CRAMP1: variants seen among roughly 807,000 people sequenced by gnomAD.
The protein encoded by CRAMP1 is cramped chromatin regulator 1.
A neutral mutation model predicts 115.4 loss-of-function variants in CRAMP1; 50 were observed. The ratio of observed to expected loss-of-function variants is 0.43; its 90% confidence interval spans 0.35 to 0.55. CRAMP1 has a LOEUF of 0.55. Ranked by LOEUF, CRAMP1 falls within the 20% of genes least tolerant of loss-of-function variation. The pLI, the probability that CRAMP1 is intolerant of heterozygous loss-of-function variation, is 0.01. For missense variants in CRAMP1, 1,679 were observed against 1,721.7 expected (o/e 0.98, Z 0.44); for synonymous variants, 866 against 745.4 (o/e 1.16, Z -2.64).
intron 3 of CRAMP1, among the ~76,000 whole-genome samples, chr16:1,628,022 G>A (rs1324822815): frequency 6.6e-6 from 1 of 152,182 alleles, no homozygotes; most frequent in Admixed American, 6.5e-5. Flanking sequence ...GGAGTTCCTT[G>A]TTAATGATCC....
At chr16:1,653,410 G>T (rs2036740925) in intron 8 of CRAMP1, among the ~76,000 whole-genome samples, 1 of 152,212 alleles carries the variant, frequency 6.6e-6, no homozygotes, top group South Asian at 2.1e-4. Flanking sequence ...AGGAGCTGCA[G>T]AGCCTTCCTT....
chr16:1,667,631 A>AGCTCTGGAAGAACTTAGC (rs3830783), intron 17 of CRAMP1, among the ~76,000 whole-genome samples: 1 of 152,144 alleles, frequency 6.6e-6, no homozygotes. Context: ...TTTCAGACCC[A>AGCTCTGGAAGAACTTAGC]GCTCTGGAAG....
At chr16:1,613,293 G>A (rs1296874964) in intron 1 of CRAMP1, among the ~76,000 whole-genome samples, 1 of 152,058 alleles carries the variant, frequency 6.6e-6, no homozygotes, top group African/African-American at 2.4e-5. Flanking sequence ...ATTCCGACAG[G>A]AGAAAACGGC....
In CRAMP1 at chr16:1,659,924, G is replaced by T. The variant is rs772777296; in HGVS notation, c.2274G>T (p.Arg758Ser). The T allele has an allele frequency of 1.9e-6, 3 of 1,612,930 alleles. No individual in the cohort carries two copies. The highest frequency in any genetic ancestry group is 1.1e-5 in the South Asian group (1 of 91,082). ...ACACCATCTCTACAGCCTCAGTAAGGCCCGCCCAGGAGGAGCAGTCGATGA... is the reference window on the plus strand; with the variant it reads ...ACACCATCTCTACAGCCTCAGTAAGTCCCGCCCAGGAGGAGCAGTCGATGA... ...EANTISTASV[R>S]PAQEEQSMTP... is the part of the protein sequence containing the mutation. The change falls in exon 11 of 21, where the codon AGG (arginine) becomes AGT (serine). Residue 758 changes from arginine (R) to serine (S), a missense_variant. By Grantham distance (110) the Arg-to-Ser change is moderately radical (BLOSUM62 -1). This residue lies in a region of CRAMP1 where 709 missense variants were observed against 741.9 expected (regional missense o/e 0.96). Transcript: ENST00000397412.
chr16:1,651,868 C>T (rs562722982), intron 6 of CRAMP1, among the ~76,000 whole-genome samples: 96 of 151,172 alleles, frequency 6.4e-4, no homozygotes, highest in Non-Finnish European at 1.3e-3. Context: ...ACTGAGGTCA[C>T]ACAGGTCATC....
chr16:1,671,964 T>A lies in CRAMP1; in HGVS notation c.3645+1155T>A, dbSNP rs1596500478. 6.6e-6 allele frequency among the ~76,000 whole-genome samples: 1 copy of A among 152,198 alleles called. No individual in the cohort carries two copies. Among genetic ancestry groups the A allele is most frequent in the East Asian group, 1.9e-4 (1 of 5,192 alleles). On this transcript the variant is annotated intron_variant, in intron 20 of 20. Transcript: ENST00000397412. This position sits in a 1 kb window ranked among gnomAD's most constrained non-coding sequence, Gnocchi z 5.0. Reference sequence around the variant, plus strand: ...TTCTCAAACCTGTTTGGCCCCAGAATCATTATTCAGGGCACACCTTGGACT... The same window carrying A: ...TTCTCAAACCTGTTTGGCCCCAGAAACATTATTCAGGGCACACCTTGGACT...
At chr16:1,641,381 C>A (rs1433311451) in intron 6 of CRAMP1, among the ~76,000 whole-genome samples, 194 bp downstream of exon 6, 1 of 152,172 alleles carries the variant, frequency 6.6e-6, no homozygotes, top group Non-Finnish European at 1.5e-5. Flanking sequence ...TGTGCCTGCC[C>A]CGGGGAGGGA....
chr16:1,673,821 C>A, intron 20 of CRAMP1, 60 bp from the exon 21 acceptor site: 1 of 1,546,686 alleles, frequency 6.5e-7, no homozygotes, highest in Non-Finnish European at 8.9e-7. Flanking sequence ...CAGGACCCGC[C>A]CTCCACTGAA....
At chr16:1,638,316 C>T (rs184594825) in intron 5 of CRAMP1, among the ~76,000 whole-genome samples, 34 of 152,332 alleles carry the variant, frequency 2.2e-4, no homozygotes, top group Non-Finnish European at 3.5e-4. Context: ...TAATTTCCTG[C>T]CCATATTCAG....
chr16:1,663,503 A>G (rs2036849885), intron 13 of CRAMP1, among the ~76,000 whole-genome samples: 1 of 152,234 alleles, frequency 6.6e-6, no homozygotes, highest in African/African-American at 2.4e-5. Flanking sequence ...TTCTTTGTTC[A>G]AACTAAGATC....
intron 11 of CRAMP1, among the ~76,000 whole-genome samples, chr16:1,661,382 G>T (rs566535382): frequency 2.0e-5 from 2 of 99,890 alleles, no homozygotes; most frequent in Non-Finnish European, 4.1e-5. Context: ...CCTGGGTGAC[G>T]GAGGGGGCCG....
At chr16:1,644,771 CCTCGTTCTGGGTAAAACTGTGCCT>C (rs1478619180) in intron 6 of CRAMP1, among the ~76,000 whole-genome samples, 1 of 152,108 alleles carries the variant, frequency 6.6e-6, no homozygotes, top group Admixed American at 6.5e-5. Flanking sequence ...CAGGAGAGCC[CCTCGTTCTGGGTAAAACTGTGCCT>C]CTCGTTCCCT....
At chr16:1,626,508 G>T (rs915953080) in intron 3 of CRAMP1, among the ~76,000 whole-genome samples, 1 of 151,892 alleles carries the variant, frequency 6.6e-6, no homozygotes, top group African/African-American at 2.4e-5. Context: ...TGCTGAGTGG[G>T]CTGATTTAGG....
intron 6 of CRAMP1, among the ~76,000 whole-genome samples, chr16:1,647,393 ACT>A (rs1388052360): frequency 6.6e-6 from 1 of 152,098 alleles, no homozygotes; most frequent in Non-Finnish European, 1.5e-5. Flanking sequence ...TAGAGGGATT[ACT>A]CTGTTTTCGA....
intron 4 of CRAMP1, among the ~76,000 whole-genome samples, chr16:1,633,501 C>G (rs2036562703): frequency 6.6e-6 from 1 of 152,254 alleles, no homozygotes; most frequent in Admixed American, 6.5e-5. Flanking sequence ...TCCACGTGAC[C>G]ATTCATGTAA....
At chr16:1,635,537 G>A (rs759651110) in intron 4 of CRAMP1, among the ~76,000 whole-genome samples, 29 of 152,180 alleles carry the variant, frequency 1.9e-4, no homozygotes, top group African/African-American at 6.8e-4. Context: ...GACACCTCCC[G>A]GAAGCCCTGC....
At chr16:1,667,431 G>A in intron 17 of CRAMP1, 31 bp downstream of exon 17, 5 of 1,584,138 alleles carry the variant, frequency 3.2e-6, no homozygotes, top group Non-Finnish European at 3.5e-6. Context: ...GCTGAGCAAA[G>A]CAGCTGCCCC....
chr16:1,626,101 G>C lies in CRAMP1; in HGVS notation c.475G>C (p.Val159Leu). ...SGGEKEEGKK[V>L]RRQWESWSTE... ...TGGCGAGAAGGAAGAAGGCAAAAAGGTCCGGCGGCAGTGGGAGTCGTGGAG... is the reference window on the plus strand; with the variant it reads ...TGGCGAGAAGGAAGAAGGCAAAAAGCTCCGGCGGCAGTGGGAGTCGTGGAG... The change falls in exon 3 of 21, where the codon GTC becomes CTC. Residue 159 changes from valine to leucine, a missense_variant. By Grantham distance (32) the Val-to-Leu change is conservative. Around this residue, in one of 8 missense-constraint regions of CRAMP1, gnomAD observed 264 missense variants for 229.7 expected, o/e 1.15. Coordinates refer to ENST00000397412, the MANE Select transcript of CRAMP1 (RefSeq NM_020825.4). 6.4e-7 allele frequency: 1 copy of C among 1,550,838 alleles called. No homozygotes were observed. Among genetic ancestry groups the C allele is most frequent in the Non-Finnish European group, 8.7e-7 (1 of 1,146,544 alleles).
At chr16:1,615,145 C>T (rs186897144) in intron 2 of CRAMP1, among the ~76,000 whole-genome samples, 160 bp downstream of exon 2, 2 of 152,246 alleles carry the variant, frequency 1.3e-5, no homozygotes, top group Non-Finnish European at 2.9e-5. Context: ...CATGTGTCCC[C>T]TCTCTCCTTC....
Sources: allele counts gnomAD v4.1 joint callset (sites outside exome capture counted in the v4.1 genomes callset), GRCh38; gene constraint gnomAD v4.1.1; regional missense constraint gnomAD v4.1.1; non-coding constraint Gnocchi (gnomAD v3.1); transcripts MANE v1.5; gene names NCBI Gene and HGNC (gene_info 2026-07-23, HGNC 2026-07-21).